Variants in RIC1 observed in about 807,000 individuals in gnomAD.
RIC1 encodes the protein guanine nucleotide exchange factor subunit RIC1.
A neutral mutation model predicts 169.0 loss-of-function variants in RIC1; 88 were observed. The ratio of observed to expected loss-of-function variants is 0.52; its 90% confidence interval spans 0.44 to 0.62. The LOEUF (loss-of-function observed/expected upper bound fraction) is 0.62. Among genes scored for constraint, RIC1 ranks in the 20% least tolerant of loss-of-function variants. The probability of loss-of-function intolerance (pLI) is 0.00; values close to 1 mark genes in which losing one functional copy is unlikely to be tolerated. For missense variants in RIC1, 1,877 were observed against 1,725.5 expected, an observed-to-expected ratio of 1.09 and a Z score of -1.56; for synonymous variants, 790 against 601.5, an observed-to-expected ratio of 1.31 and a Z score of -4.59.
chr9:5,741,654 C>T (rs759446843), intron 8 of RIC1, among the ~76,000 whole-genome samples: 12 of 151,954 alleles, frequency 7.9e-5, no homozygotes, highest in Non-Finnish European at 1.8e-4. Context: ...GCTCTTTTTC[C>T]AATCTGTATG....
intron 3 of RIC1, among the ~76,000 whole-genome samples, chr9:5,697,808 A>G (rs554000978): frequency 2.0e-5 from 3 of 152,220 alleles, no homozygotes; most frequent in African/African-American, 4.8e-5. Flanking sequence ...TATGCCTGCT[A>G]TCTGTAAAAC....
chr9:5,646,882 C>G (rs546098594), intron 1 of RIC1, among the ~76,000 whole-genome samples: 2 of 152,128 alleles, frequency 1.3e-5, no homozygotes, highest in East Asian at 3.9e-4. Flanking sequence ...AAATTGTTTT[C>G]AAATCCAAAG....
In RIC1 at chr9:5,770,249, A is replaced by C. The variant is rs771266482; in HGVS notation, c.3587A>C (p.Asp1196Ala). The C allele has an allele frequency of 6.2e-7, 1 of 1,613,598 alleles. No homozygotes were observed. The highest frequency in any genetic ancestry group is 2.2e-5 in the East Asian group (1 of 44,866). The change falls in exon 23 of 26, where the codon GAT (aspartate) becomes GCT (alanine). Residue 1196 changes from aspartate to alanine, a missense_variant. Transcript: ENST00000414202. Reference sequence around the variant, plus strand: ...TCATCCCATGGACCACAAATGCAAGATGCCTTCTTGTCACCTTTATCTAAT... The same window carrying C: ...TCATCCCATGGACCACAAATGCAAGCTGCCTTCTTGTCACCTTTATCTAAT... ...TASSHGPQMQ[D>A]AFLSPLSNKG... is the part of the protein sequence containing the mutation.
At chr9:5,778,490 A>C (rs1445741484), downstream of RIC1, among the ~76,000 whole-genome samples, 1 of 152,200 alleles carries the variant, frequency 6.6e-6, no homozygotes, top group Non-Finnish European at 1.5e-5. Context: ...GCTTTCTCTC[A>C]TCACTAATTA....
At position 5,717,614 on chromosome 9, in the gene RIC1, G is replaced by A. The variant is rs140217875; in HGVS notation, c.441-2568G>A. Among the ~76,000 whole-genome samples, 680 of 152,290 alleles carry A rather than the reference G, an allele frequency of 4.5e-3. 5 individuals are homozygous for A. The highest frequency in any genetic ancestry group is 0.028 in the South Asian group (134 of 4,828). On this transcript the variant is annotated intron_variant, in intron 4 of 25. Coordinates refer to ENST00000414202, the MANE Select transcript of RIC1 (RefSeq NM_020829.4). ...AATCCCAGCACACTGGGAGGCCGAG[G>A]CGGGTGGATCACCTGAGGTCAGGAG...
At chr9:5,669,563 C>A (rs959186480) in intron 2 of RIC1, among the ~76,000 whole-genome samples, 2 of 152,082 alleles carry the variant, frequency 1.3e-5, no homozygotes, top group Non-Finnish European at 2.9e-5. Flanking sequence ...TCATCTTGCC[C>A]ATATGACATC....
chr9:5,687,851 A>G (rs542467059), intron 2 of RIC1, among the ~76,000 whole-genome samples: 5 of 152,198 alleles, frequency 3.3e-5, no homozygotes, highest in African/African-American at 9.6e-5. Flanking sequence ...CTCTGTTTAT[A>G]TGTATATTGG....
chr9:5,646,086 A>G (rs1260688969), intron 1 of RIC1, among the ~76,000 whole-genome samples: 4 of 151,124 alleles, frequency 2.6e-5, no homozygotes, highest in Non-Finnish European at 5.9e-5. Flanking sequence ...CCTTGCTAGT[A>G]CTTGTTTTCT....
At chr9:5,648,573 A>G (rs897546445) in intron 1 of RIC1, among the ~76,000 whole-genome samples, 3 of 151,982 alleles carry the variant, frequency 2.0e-5, no homozygotes, top group Admixed American at 6.6e-5. Flanking sequence ...TGGTAGTTCT[A>G]TTTTTACTTT....
chr9:5,717,525 G>C (rs911944020), intron 4 of RIC1, among the ~76,000 whole-genome samples: 8 of 152,130 alleles, frequency 5.3e-5, no homozygotes, highest in African/African-American at 1.4e-4. Context: ...TTCAGAAAAT[G>C]GGGTCAGTGT....
chr9:5,684,890 G>T (rs533343777), intron 2 of RIC1, among the ~76,000 whole-genome samples: 1 of 152,062 alleles, frequency 6.6e-6, no homozygotes, highest in Non-Finnish European at 1.5e-5. Context: ...GTTGAATTTT[G>T]TCTAATGCTT....
intron 12 of RIC1, among the ~76,000 whole-genome samples, chr9:5,750,561 G>A (rs2131021128): frequency 6.6e-6 from 1 of 151,996 alleles, no homozygotes; most frequent in East Asian, 1.9e-4. Context: ...ACTAGTTATA[G>A]ACAAAACTAA....
intron 1 of RIC1, 65 bp downstream of exon 1, chr9:5,629,518 C>CA: frequency 2.0e-6 from 3 of 1,478,042 alleles, no homozygotes; most frequent in Non-Finnish European, 2.7e-6. Flanking sequence ...GTCCCACCCC[C>CA]AACTTCCACC....
At position 5,629,115 on chromosome 9, in the gene RIC1, C is replaced by T. The variant is rs13299542; in HGVS notation, c.-195C>T. On this transcript the variant is annotated 5_prime_UTR_variant, in exon 1 of 26. Transcript: ENST00000414202. ...CTCCCCTTCCCTCCCCCACACTCGG[C>T]CCCGTCAGCTTGGGGGTGCCTTCGT... is the stretch of plus-strand genomic sequence containing the variant. 5.1e-6 allele frequency: 2 copies of T among 391,850 alleles called. No homozygotes were observed. Among genetic ancestry groups the T allele is most frequent in the East Asian group, 4.3e-5 (1 of 23,190 alleles). The allele number at this position is 391,850 out of a possible 1,614,324, so 24.3% of individuals were successfully genotyped here.
chr9:5,720,141 C>G (rs754792807), intron 4 of RIC1, 41 bp from the exon 5 acceptor site: 3 of 1,545,592 alleles, frequency 1.9e-6, no homozygotes, highest in Non-Finnish European at 2.7e-6. Context: ...ACATTGCTTT[C>G]CCAGTATGCT....
rs559096093 is a variant in RIC1, at chr9:5,636,481, G to A, written c.144+7028G>A. 6.6e-5 allele frequency among the ~76,000 whole-genome samples: 10 copies of A among 151,974 alleles called. No individual in the cohort carries two copies. In the South Asian group the frequency reaches 1.0e-3, roughly 16 times the overall value. On this transcript the variant is annotated intron_variant, in intron 1 of 25. Transcript: ENST00000414202. ...ATTACAGGTGCCTGCCACCATACCC[G>A]GCTAATTTTTGTATTTTTAGTAGAG...
At chr9:5,654,602 C>T (rs917635517) in intron 1 of RIC1, among the ~76,000 whole-genome samples, 1 of 151,816 alleles carries the variant, frequency 6.6e-6, no homozygotes, top group Admixed American at 6.6e-5. Context: ...TGCAGTAGCG[C>T]AGTCTCAGCT....
At chr9:5,688,770 C>A (rs888707641) in intron 2 of RIC1, among the ~76,000 whole-genome samples, 2 of 152,102 alleles carry the variant, frequency 1.3e-5, no homozygotes, top group African/African-American at 4.8e-5. Context: ...TAATTTGAAA[C>A]CTTGGATAAT....
At chr9:5,632,959 A>G (rs1159114162) in intron 1 of RIC1, among the ~76,000 whole-genome samples, 1 of 152,200 alleles carries the variant, frequency 6.6e-6, no homozygotes, top group East Asian at 1.9e-4. Context: ...AGTATTTTTG[A>G]ACATCAACTG....
Sources: allele counts gnomAD v4.1 joint callset (sites outside exome capture counted in the v4.1 genomes callset), GRCh38; gene constraint gnomAD v4.1.1; transcripts MANE v1.5; gene names NCBI Gene and HGNC (gene_info 2026-07-23, HGNC 2026-07-21).